Variants in GPRC6A observed in about 807,000 individuals in gnomAD.
GPRC6A encodes G protein-coupled receptor family C group 6 member A.
In GPRC6A, 54 loss-of-function variants were observed where a neutral mutation model predicts 47.0. That is an observed-to-expected ratio of 1.15 (90% CI 0.92 to 1.44). GPRC6A has a LOEUF of 1.44. GPRC6A is among the 40% of genes most tolerant of loss of function. The probability of loss-of-function intolerance (pLI) is 0.00; values close to 1 mark genes in which losing one functional copy is unlikely to be tolerated. For missense variants in GPRC6A, 1,112 were observed against 1,105.5 expected (o/e 1.01, Z -0.08); for synonymous variants, 347 against 377.1 (o/e 0.92, Z 0.93).
chr6:116,822,934 C>T (rs948810678), intron 1 of GPRC6A, among the ~76,000 whole-genome samples: 5 of 150,414 alleles, frequency 3.3e-5, no homozygotes, highest in African/African-American at 1.2e-4. Context: ...AATCATTCTT[C>T]CCTCCTAGAC....
intron 1 of GPRC6A, among the ~76,000 whole-genome samples, chr6:116,812,075 T>A (rs548199420): frequency 1.3e-5 from 2 of 152,176 alleles, no homozygotes; most frequent in Admixed American, 6.5e-5. Flanking sequence ...CACATTATAG[T>A]CAAAATGTCT....
Position 116,792,385 on chromosome 6 carries a change from C to T in GPRC6A, c.2538G>A (p.Lys846=), listed in dbSNP as rs762905959. 12 of 1,613,874 alleles carry T rather than the reference C, an allele frequency of 7.4e-6. No homozygotes were observed. The highest frequency in any genetic ancestry group is 1.0e-5 in the Non-Finnish European group (12 of 1,179,948). The change falls in exon 6 of 6, where the codon AAG becomes AAA. Residue 846 remains lysine, a synonymous_variant. Coordinates refer to ENST00000310357, the MANE Select transcript of GPRC6A (RefSeq NM_148963.4). Reference sequence around the variant, plus strand: ...TGTAGATCATCTTGAGAAAGGCAGACTTTGTGTTAATCTCTTGCTTACAAA... The same window carrying T: ...TGTAGATCATCTTGAGAAAGGCAGATTTTGTGTTAATCTCTTGCTTACAAA... ...VIICKQEINT[K]SAFLKMIYSY... is the part of the protein sequence containing the mutation.
At chr6:116,801,481 T>C (rs371345431) in intron 3 of GPRC6A, among the ~76,000 whole-genome samples, 3 of 152,248 alleles carry the variant, frequency 2.0e-5, no homozygotes. Context: ...TATATAAGTA[T>C]GTCAAGTAAA....
At chr6:116,802,544 C>G (rs569536501) in intron 3 of GPRC6A, among the ~76,000 whole-genome samples, 1 of 152,266 alleles carries the variant, frequency 6.6e-6, no homozygotes, top group South Asian at 2.1e-4. Context: ...TGTGCTGATG[C>G]TTGCTCTACC....
chr6:116,796,530 A>G lies in GPRC6A; in HGVS notation c.1549-695T>C, dbSNP rs538766796. Among the ~76,000 whole-genome samples, 4 of 152,280 alleles carry G rather than the reference A, an allele frequency of 2.6e-5. No individual in the cohort carries two copies. In the East Asian group the frequency reaches 7.7e-4, roughly 29 times the overall value. On this transcript the variant is annotated intron_variant, in intron 4 of 5. Coordinates refer to ENST00000310357, the MANE Select transcript of GPRC6A (RefSeq NM_148963.4). ...ATTCATAGTCCCTTTCTCACAGCAT[A>G]TCTTGTGAGAGAAATCTGCTTTGTC...
chr6:116,798,353 G>A lies in GPRC6A; in HGVS notation c.1548+2231C>T, dbSNP rs569876682. Among the ~76,000 whole-genome samples the A allele has an allele frequency of 2.6e-5, 4 of 152,238 alleles. No homozygotes were observed. The East Asian group carries it at 7.7e-4, about 29-fold the overall frequency. On this transcript the variant is annotated intron_variant, in intron 4 of 5. Transcript: ENST00000310357. ...TTATTATAGGCAAAGGAAATAGCAG[G>A]GGCAAAGTCCTTGGGCTATGAGAAG...
intron 1 of GPRC6A, among the ~76,000 whole-genome samples, chr6:116,811,401 G>A (rs186965715): frequency 1.3e-5 from 2 of 151,674 alleles, no homozygotes; most frequent in East Asian, 3.9e-4. Flanking sequence ...AAAAAGCCAG[G>A]AAAATGACAC....
intron 1 of GPRC6A, among the ~76,000 whole-genome samples, chr6:116,821,007 A>T (rs1289482763): frequency 1.3e-5 from 2 of 151,802 alleles, no homozygotes; most frequent in East Asian, 3.9e-4. Context: ...CAACTTCAGC[A>T]AAGTCTCAGG....
chr6:116,828,672 A>G (rs144251510), intron 1 of GPRC6A, 148 bp downstream of exon 1: 6,861 of 603,530 alleles, frequency 0.011, 105 homozygotes, highest in Admixed American at 0.041. Flanking sequence ...CTTTTAAAGA[A>G]GGATTGCAAG....
At chr6:116,822,071 A>T (rs1773506721) in intron 1 of GPRC6A, among the ~76,000 whole-genome samples, 1 of 146,778 alleles carries the variant, frequency 6.8e-6, no homozygotes, top group East Asian at 1.9e-4. Context: ...GACACTTCTC[A>T]AAAGAAGACA....
intron 2 of GPRC6A, 60 bp from the exon 3 acceptor site, chr6:116,807,266 G>GT: frequency 1.0e-6 from 1 of 954,222 alleles, no homozygotes; most frequent in East Asian, 2.4e-5. Flanking sequence ...ACTGTTCACA[G>GT]TAGGTGTTCC....
intron 4 of GPRC6A, 121 bp from the exon 5 acceptor site, chr6:116,795,956 G>A: frequency 1.7e-6 from 1 of 592,818 alleles, no homozygotes; most frequent in African/African-American, 1.9e-5. Context: ...TTTTTTCATA[G>A]GATTATAGAA....
chr6:116,818,252 C>T (rs559000906), intron 1 of GPRC6A, among the ~76,000 whole-genome samples: 117 of 151,846 alleles, frequency 7.7e-4, no homozygotes, highest in African/African-American at 2.6e-3. Flanking sequence ...AAAGAATTTT[C>T]GGCCGGGCGC....
In GPRC6A at chr6:116,807,948, C is replaced by T. The variant is rs1582463844; in HGVS notation, c.499-742G>A. Among the ~76,000 whole-genome samples, 7 of 151,988 alleles carry T rather than the reference C, an allele frequency of 4.6e-5. No individual in the cohort carries two copies. In the South Asian group the frequency reaches 1.5e-3, roughly 32 times the overall value. Reference sequence around the variant, plus strand: ...TTACCTTCTATAGATGCAATAGTAACATGTCACTTGCTCAGTATTTCTTTT... The same window carrying T: ...TTACCTTCTATAGATGCAATAGTAATATGTCACTTGCTCAGTATTTCTTTT... On this transcript the variant is annotated intron_variant, in intron 2 of 5. Transcript: ENST00000310357.
At chr6:116,819,604 G>A (rs1040781800) in intron 1 of GPRC6A, among the ~76,000 whole-genome samples, 29 of 152,274 alleles carry the variant, frequency 1.9e-4, no homozygotes, top group African/African-American at 6.5e-4. Flanking sequence ...GCTCCTGAAT[G>A]ACTACTGGGT....
rs1772465249 is a variant in GPRC6A, at chr6:116,795,777, C to T, written c.1607G>A (p.Arg536Lys). The change falls in exon 5 of 6, where the codon AGA becomes AAA. Residue 536 changes from arginine to lysine, a missense_variant. By Grantham distance (26) the Arg-to-Lys change is conservative. Coordinates refer to ENST00000310357, the MANE Select transcript of GPRC6A (RefSeq NM_148963.4). ...TTCATAGCAACAGATGTGTTGACTTCTTGTAGTTTTCTTCATTTGCCCAGG... is the reference window on the plus strand; with the variant it reads ...TTCATAGCAACAGATGTGTTGACTTTTTGTAGTTTTCTTCATTTGCCCAGG... The part of the protein sequence containing the change: ...CSPGQMKKTT[R>K]SQHICCYECQ... The T allele has an allele frequency of 6.2e-7, 1 of 1,609,146 alleles. No homozygotes were observed. The highest frequency in any genetic ancestry group is 8.5e-7 in the Non-Finnish European group (1 of 1,176,296).
chr6:116,806,784 A>C lies in GPRC6A; in HGVS notation c.921T>G (p.Thr307=), dbSNP rs778890920. 1.2e-6 allele frequency: 2 copies of C among 1,613,654 alleles called. No homozygotes were observed. Among genetic ancestry groups the C allele is most frequent in the East Asian group, 4.5e-5 (2 of 44,886 alleles). The change falls in exon 3 of 6, where the codon ACT becomes ACG. Residue 307 remains threonine (T), a synonymous_variant. Transcript: ENST00000310357. ...KMWIASDNWS[T]ATKITTIPNV... ...TAGGAATGGTGGTAATCTTGGTGGC[A>C]GTTGACCAATTATCACTAGCAATCC...
intron 5 of GPRC6A, among the ~76,000 whole-genome samples, chr6:116,794,766 T>C (rs1213922018): frequency 1.3e-5 from 2 of 152,126 alleles, no homozygotes; most frequent in African/African-American, 4.8e-5. Flanking sequence ...TTATTAAACA[T>C]ACCAAGGAAC....
chr6:116,802,202 G>A (rs1232497877), intron 3 of GPRC6A, among the ~76,000 whole-genome samples: 1 of 152,044 alleles, frequency 6.6e-6, no homozygotes, highest in Non-Finnish European at 1.5e-5. Context: ...TTTTATGCTT[G>A]CTCTTACAGG....
Sources: gnomAD v4.1 joint callset for allele counts (sites outside exome capture counted in the v4.1 genomes callset) on GRCh38, gnomAD v4.1.1 for gene constraint, MANE v1.5 for transcripts, NCBI Gene and HGNC (gene_info 2026-07-23, HGNC 2026-07-21) for gene names.